The following SYNE2 variants were observed in gnomAD, a reference collection of about 807,000 sequenced individuals.
The protein encoded by SYNE2 is nesprin-2.
Under a neutral mutation model 856.3 loss-of-function variants are expected in SYNE2, and 431 were observed. That is an observed-to-expected ratio of 0.50 (90% CI 0.47 to 0.55). The LOEUF (loss-of-function observed/expected upper bound fraction) is 0.55. SYNE2 is among the 20% of genes least tolerant of loss of function. The pLI, the probability that SYNE2 is intolerant of heterozygous loss-of-function variation, is 0.00. For synonymous variants in SYNE2, 2,923 were observed against 2,872.3 expected (o/e 1.02, Z -0.56); for missense variants, 8,129 against 8,023.2 (o/e 1.01, Z -0.50).
In SYNE2 at chr14:64,203,066, C is replaced by T. The variant is rs150923382; in HGVS notation, c.18201+103C>T. On this transcript the variant is annotated intron_variant, in intron 100 of 115. Transcript: ENST00000555002. Reference sequence around the variant, plus strand: ...TATGTGTTTTCACGTGCTCACATTCCATAACATTGGTTTGCTTTTTCCAGA... The same window carrying T: ...TATGTGTTTTCACGTGCTCACATTCTATAACATTGGTTTGCTTTTTCCAGA... 1.2e-4 allele frequency: 171 copies of T among 1,451,598 alleles called. 1 individual carries two copies. The African/African-American group carries it at 2.1e-3, about 18-fold the overall frequency. The allele number at this position is 1,451,598 out of a possible 1,614,324, so 89.9% of individuals were successfully genotyped here. A position where few individuals can be genotyped will look rare whatever the true frequency, so the allele number is the denominator to read the frequency against.
intron 1 of SYNE2, among the ~76,000 whole-genome samples, chr14:63,837,053 CACA>C (rs1889881514): frequency 6.6e-6 from 1 of 152,028 alleles, no homozygotes; most frequent in Non-Finnish European, 1.5e-5. Flanking sequence ...GTAATGCTGC[CACA>C]ACAAGAAATG....
chr14:64,092,696 T>G (rs189708259), intron 60 of SYNE2, among the ~76,000 whole-genome samples: 217 of 152,358 alleles, frequency 1.4e-3, no homozygotes, highest in Middle Eastern at 6.8e-3. Context: ...TCATCGTGCT[T>G]AATCATATTA....
intron 66 of SYNE2, among the ~76,000 whole-genome samples, chr14:64,114,869 A>C (rs971364223): frequency 6.6e-6 from 1 of 151,994 alleles, no homozygotes; most frequent in Non-Finnish European, 1.5e-5. Flanking sequence ...GATCCACCCA[A>C]GTCAGCCTCC....
At chr14:63,987,256 GA>G (rs112425180) in intron 19 of SYNE2, among the ~76,000 whole-genome samples, 355 of 142,034 alleles carry the variant, frequency 2.5e-3, no homozygotes, top group Non-Finnish European at 2.8e-3. Flanking sequence ...CTCCTTCTGG[GA>G]AAAAAAAAAA....
At chr14:63,829,363 G>C (rs1249663267) in intron 1 of SYNE2, among the ~76,000 whole-genome samples, 3 of 152,012 alleles carry the variant, frequency 2.0e-5, no homozygotes, top group Non-Finnish European at 4.4e-5. Context: ...GTTGCAGTGA[G>C]CCATGGTCAT....
In SYNE2 at chr14:64,053,488, G is replaced by T; in HGVS notation, c.9575G>T (p.Cys3192Phe). The change falls in exon 48 of 116, where the codon TGT becomes TTT. Residue 3192 changes from cysteine to phenylalanine, a missense_variant. Cys to Phe is a radical substitution (Grantham distance 205). This residue lies in a region of SYNE2 where 5,410 missense variants were observed against 5,284.8 expected (regional missense o/e 1.02). Coordinates refer to ENST00000555002, the MANE Select transcript of SYNE2 (RefSeq NM_182914.3). ...CATATTCAAAATGAAAAGGACAATT[G>T]TGAAGCATTTCAGGAGCAAGTTTGG... ...IKHIQNEKDN[C>F]EAFQEQVWAE... 1 of 1,614,192 alleles carries T rather than the reference G, an allele frequency of 6.2e-7. No individual in the cohort carries two copies. The highest frequency in any genetic ancestry group is 8.5e-7 in the Non-Finnish European group (1 of 1,180,026).
intron 1 of SYNE2, among the ~76,000 whole-genome samples, chr14:63,824,364 T>A (rs1326493017): frequency 6.6e-6 from 1 of 151,764 alleles, no homozygotes; most frequent in African/African-American, 2.4e-5. Flanking sequence ...CTAGGCCGAG[T>A]GCGGTGGCTC....
In SYNE2 at chr14:64,002,729, G is replaced by T; in HGVS notation, c.3796G>T (p.Asp1266Tyr). The T allele has an allele frequency of 6.2e-7, 1 of 1,611,938 alleles. No individual in the cohort carries two copies. Among genetic ancestry groups the T allele is most frequent in the African/African-American group, 1.3e-5 (1 of 74,834 alleles). Reference sequence around the variant, plus strand: ...CTTATCTTTATTTTAGAATATCCAAGATTCCATAGCAAAACAGATTGAAAT... The same window carrying T: ...CTTATCTTTATTTTAGAATATCCAATATTCCATAGCAAAACAGATTGAAAT... ...RIYQHLRNIQ[D>Y]SIAKQIEICN... The change falls in exon 30 of 116, where the codon GAT becomes TAT. Residue 1266 changes from aspartate to tyrosine, a missense_variant. Physicochemically the swap from Asp to Tyr is radical, Grantham distance 160. Transcript: ENST00000555002.
At chr14:64,020,819 C>T (rs2096930702) in intron 35 of SYNE2, among the ~76,000 whole-genome samples, 1 of 152,138 alleles carries the variant, frequency 6.6e-6, no homozygotes, top group Admixed American at 6.5e-5. Context: ...AATATGAGTG[C>T]TGGAGTTAAG....
In SYNE2 at chr14:64,070,706, CA is replaced by C. The variant is rs1309330863; in HGVS notation, c.10497del (p.Glu3500ArgfsTer12). The part of the protein sequence containing the change: ...LQEELPEISK[T>X]KEAATTEELS... ...GAAGAACTCCCTGAAATTTCCAAAA[CA>C]AAAGAGGCAGCCACCACAGAGGAAC... On this transcript the variant is annotated frameshift_variant, in exon 52 of 116. Transcript: ENST00000555002. LOFTEE classifies it high-confidence loss of function. The C allele has an allele frequency of 6.2e-7, 1 of 1,613,858 alleles. No homozygotes were observed. Among genetic ancestry groups the C allele is most frequent in the Non-Finnish European group, 8.5e-7 (1 of 1,179,978 alleles).
At chr14:64,218,261 A>G in intron 108 of SYNE2, 137 bp from the exon 109 acceptor site, 1 of 791,156 alleles carries the variant, frequency 1.3e-6, no homozygotes. Flanking sequence ...CTAAAGCACC[A>G]CTGTATTCCT....
chr14:63,878,253 C>A (rs780721275), intron 1 of SYNE2, among the ~76,000 whole-genome samples: 2 of 152,130 alleles, frequency 1.3e-5, no homozygotes, highest in African/African-American at 4.8e-5. Flanking sequence ...GCAACGTGAT[C>A]GTGATCTCCA....
intron 6 of SYNE2, among the ~76,000 whole-genome samples, chr14:63,944,513 CT>C (rs2095986073): frequency 7.5e-6 from 1 of 132,530 alleles, no homozygotes; most frequent in Non-Finnish European, 1.6e-5. Context: ...AACTTAAAGC[CT>C]TTCTTTTTTT....
chr14:64,165,433 C>T lies in SYNE2; in HGVS notation c.16605+23C>T, dbSNP rs762080899. 11 of 1,611,744 alleles carry T rather than the reference C, an allele frequency of 6.8e-6. No individual in the cohort carries two copies. The African/African-American group carries it at 1.5e-4, about 22-fold the overall frequency. On this transcript the variant is annotated intron_variant, in intron 90 of 115. Transcript: ENST00000555002. Reference sequence around the variant, plus strand: ...CTGGTATTGCCAATATTTGTCTTTTCTAAGGGCTTAGACTCACCATAAGGT... The same window carrying T: ...CTGGTATTGCCAATATTTGTCTTTTTTAAGGGCTTAGACTCACCATAAGGT...
At chr14:64,070,328 G>A (rs976224826) in intron 51 of SYNE2, among the ~76,000 whole-genome samples, 2 of 152,196 alleles carry the variant, frequency 1.3e-5, no homozygotes, top group African/African-American at 4.8e-5. Context: ...GAGCTCATGT[G>A]CTTATCTCAG....
rs759119344 is a variant in SYNE2, at chr14:64,215,364, C to T, written c.19402+10C>T. The T allele has an allele frequency of 1.2e-5, 20 of 1,613,776 alleles. No individual in the cohort carries two copies. The highest frequency in any genetic ancestry group is 1.5e-5 in the Non-Finnish European group (18 of 1,179,822). On this transcript the variant is annotated intron_variant, in intron 107 of 115. Transcript: ENST00000555002. ...TTGAAAGCGTCTTCTGGTAGGCCCCCGCCCATGCATGTGTCAACATGGCAG... is the reference window on the plus strand; with the variant it reads ...TTGAAAGCGTCTTCTGGTAGGCCCCTGCCCATGCATGTGTCAACATGGCAG...
intron 49 of SYNE2, among the ~76,000 whole-genome samples, chr14:64,056,643 T>A (rs186262670): frequency 1.2e-4 from 18 of 151,572 alleles, no homozygotes; most frequent in Non-Finnish European, 2.2e-4. Flanking sequence ...CTCCCAAATT[T>A]TGTTTACCAT....
chr14:64,153,425 T>A (rs1204560657), intron 85 of SYNE2, among the ~76,000 whole-genome samples: 1 of 152,180 alleles, frequency 6.6e-6, no homozygotes, highest in Admixed American at 6.5e-5. Context: ...TACCATCAAT[T>A]ATAGATATGT....
chr14:64,128,463 G>T lies in SYNE2; in HGVS notation c.13929G>T (p.Lys4643Asn). The change falls in exon 74 of 116, where the codon AAG becomes AAT. Residue 4643 changes from lysine to asparagine, a missense_variant. By Grantham distance (94) the Lys-to-Asn change is moderately conservative. Coordinates refer to ENST00000555002, the MANE Select transcript of SYNE2 (RefSeq NM_182914.3). Reference sequence around the variant, plus strand: ...CATTTATCTTACAGAATGAAATAAAGAGATTATATCATCAGCTCATTAAGA... The same window carrying T: ...CATTTATCTTACAGAATGAAATAAATAGATTATATCATCAGCTCATTAAGA... ...DYNRSYQNEIKRLYHQLIKSK... is the reference protein window; with the variant it reads ...DYNRSYQNEINRLYHQLIKSK... The T allele has an allele frequency of 6.5e-7, 1 of 1,542,064 alleles. No individual in the cohort carries two copies. Among genetic ancestry groups the T allele is most frequent in the South Asian group, 1.1e-5 (1 of 89,710 alleles).
Sources: gnomAD v4.1 joint callset for allele counts (sites outside exome capture counted in the v4.1 genomes callset) on GRCh38, gnomAD v4.1.1 for gene constraint, gnomAD v4.1.1 regional missense constraint, MANE v1.5 for transcripts, NCBI Gene and HGNC (gene_info 2026-07-23, HGNC 2026-07-21) for gene names.